PDE4D: variants seen among roughly 807,000 people sequenced by gnomAD.
PDE4D encodes phosphodiesterase 4D, also known as 3',5'-cyclic-AMP phosphodiesterase 4D.
PDE4D carries 24 observed loss-of-function variants against 87.4 expected under a neutral mutation model. The observed-to-expected ratio is 0.27, with a 90% CI of 0.20 to 0.39. PDE4D has a LOEUF of 0.39. Among genes scored for constraint, PDE4D ranks in the 10% least tolerant of loss-of-function variants. The probability of loss-of-function intolerance (pLI) is 1.00; values close to 1 mark genes in which losing one functional copy is unlikely to be tolerated. For missense variants in PDE4D, 714 were observed against 1,041.0 expected, an observed-to-expected ratio of 0.69 and a Z score of 4.32; for synonymous variants, 384 against 383.2, an observed-to-expected ratio of 1.00 and a Z score of -0.02.
At chr5:59,326,762 T>C (rs1775747839) in intron 1 of PDE4D, among the ~76,000 whole-genome samples, 1 of 152,158 alleles carries the variant, frequency 6.6e-6, no homozygotes, top group African/African-American at 2.4e-5. Flanking sequence ...GAAATAGATG[T>C]GTGATCTTGC....
Position 58,991,858 on chromosome 5 carries a change from T to C in PDE4D, c.1162A>G (p.Thr388Ala). The change falls in exon 8 of 15, where the codon ACT (threonine) becomes GCT (alanine). Residue 388 changes from threonine to alanine, a missense_variant. By Grantham distance (58) the Thr-to-Ala change is moderately conservative. This residue lies in a region of PDE4D where 141 missense variants were observed against 204.3 expected (regional missense o/e 0.69). Coordinates refer to ENST00000340635, the MANE Select transcript of PDE4D (RefSeq NM_001104631.2). ...NSSIPRFGVKTEQEDVLAKEL... is the reference protein window; with the variant it reads ...NSSIPRFGVKAEQEDVLAKEL... ...TTGGCAAGGACATCTTCTTGTTCAG[T>C]TTTAACTCCAAACCTTGGGATACTT... 6.5e-7 allele frequency: 1 copy of C among 1,547,590 alleles called. No individual in the cohort carries two copies. Among genetic ancestry groups the C allele is most frequent in the Middle Eastern group, 1.7e-4 (1 of 5,834 alleles).
chr5:59,043,862 A>G (rs1215096927), intron 5 of PDE4D, among the ~76,000 whole-genome samples: 2 of 152,172 alleles, frequency 1.3e-5, no homozygotes, highest in Non-Finnish European at 2.9e-5. Context: ...AATTTCATCC[A>G]TGTTCCTACA....
intron 2 of PDE4D, among the ~76,000 whole-genome samples, chr5:59,996,422 G>T (rs1403749673): frequency 6.6e-6 from 1 of 152,040 alleles, no homozygotes; most frequent in Non-Finnish European, 1.5e-5. Flanking sequence ...ACTCTTCAAG[G>T]ACTAGGATAC....
intron 1 of PDE4D, among the ~76,000 whole-genome samples, chr5:60,303,877 A>T (rs1183274380): frequency 6.6e-6 from 1 of 152,150 alleles, no homozygotes; most frequent in African/African-American, 2.4e-5. Flanking sequence ...TGATCTGTCT[A>T]ATATTGTCAG....
chr5:59,770,967 A>G (rs546540627), intron 1 of PDE4D, among the ~76,000 whole-genome samples: 4 of 152,028 alleles, frequency 2.6e-5, no homozygotes, highest in African/African-American at 9.6e-5. Flanking sequence ...CCCCGTCTCT[A>G]TAAAACATTA....
intron 1 of PDE4D, among the ~76,000 whole-genome samples, chr5:59,284,033 A>G (rs1033188081): frequency 6.6e-6 from 1 of 152,120 alleles, no homozygotes; most frequent in Admixed American, 6.6e-5. Context: ...AAATGAGAAA[A>G]CATGCTGTCC....
chr5:60,474,149 T>TATA (rs1212803987), intron 1 of PDE4D, among the ~76,000 whole-genome samples: 1 of 94,436 alleles, frequency 1.1e-5, no homozygotes, highest in African/African-American at 6.9e-5. Context: ...TATATATATA[T>TATA]AACAAAAACC....
chr5:59,746,257 A>G (rs1016833092), intron 1 of PDE4D, among the ~76,000 whole-genome samples: 2 of 152,116 alleles, frequency 1.3e-5, no homozygotes, highest in African/African-American at 2.4e-5. Context: ...GTTTTTCTGT[A>G]TCTTCTGTCA....
At chr5:59,628,972 G>A (rs1158942414) in intron 1 of PDE4D, among the ~76,000 whole-genome samples, 1 of 152,122 alleles carries the variant, frequency 6.6e-6, no homozygotes, top group African/African-American at 2.4e-5. Context: ...CAGCAGCAAG[G>A]AGAAGTGCCA....
intron 1 of PDE4D, among the ~76,000 whole-genome samples, chr5:59,830,789 T>C (rs997225199): frequency 3.9e-5 from 6 of 152,082 alleles, no homozygotes; most frequent in Non-Finnish European, 8.8e-5. Flanking sequence ...CGGAGAGCCA[T>C]GAGAATTGTT....
intron 1 of PDE4D, among the ~76,000 whole-genome samples, chr5:59,566,897 T>C (rs972402733): frequency 6.6e-6 from 1 of 152,142 alleles, no homozygotes; most frequent in African/African-American, 2.4e-5. Flanking sequence ...ACATGTTTGC[T>C]TGTGGGGTCT....
intron 1 of PDE4D, among the ~76,000 whole-genome samples, chr5:59,413,754 A>T (rs765434203): frequency 2.0e-5 from 3 of 152,184 alleles, no homozygotes; most frequent in Non-Finnish European, 4.4e-5. Flanking sequence ...TAAGAGTTGG[A>T]CTGATTTGGG....
intron 2 of PDE4D, among the ~76,000 whole-genome samples, chr5:60,128,701 C>A (rs1779324096): frequency 6.6e-6 from 1 of 152,186 alleles, no homozygotes; most frequent in Non-Finnish European, 1.5e-5. Flanking sequence ...TTAGTATTAA[C>A]TACTCTAACT....
chr5:59,902,547 A>T (rs533979835), intron 3 of PDE4D, among the ~76,000 whole-genome samples: 71 of 152,288 alleles, frequency 4.7e-4, no homozygotes, highest in Admixed American at 1.8e-3. Context: ...ATGGTAACTG[A>T]GAGAAGGAAG....
At chr5:59,308,160 A>G (rs1440858630) in intron 1 of PDE4D, among the ~76,000 whole-genome samples, 1 of 147,074 alleles carries the variant, frequency 6.8e-6, no homozygotes, top group African/African-American at 2.5e-5. Flanking sequence ...GAATTGAACA[A>G]TGAGAACACA....
chr5:59,615,284 T>C (rs1829524130), intron 1 of PDE4D, among the ~76,000 whole-genome samples: 1 of 152,168 alleles, frequency 6.6e-6, no homozygotes, highest in Admixed American at 6.6e-5. Context: ...AAAACAAAAT[T>C]GAACCCTGGT....
At chr5:59,619,515 G>A (rs747729634) in intron 1 of PDE4D, among the ~76,000 whole-genome samples, 9 of 152,122 alleles carry the variant, frequency 5.9e-5, no homozygotes, top group African/African-American at 9.7e-5. Flanking sequence ...CATAGCAAGC[G>A]GATGGCTGCA....
At chr5:59,441,163 C>T (rs1336685936) in intron 1 of PDE4D, among the ~76,000 whole-genome samples, 4 of 151,166 alleles carry the variant, frequency 2.6e-5, no homozygotes, top group South Asian at 2.1e-4. Context: ...AGTGTGATCT[C>T]GGCTCATTGC....
intron 1 of PDE4D, among the ~76,000 whole-genome samples, chr5:60,195,786 A>C (rs374483648): frequency 4.0e-5 from 6 of 151,784 alleles, no homozygotes; most frequent in African/African-American, 1.4e-4. Context: ...AATGATTCAT[A>C]CACCTAATGG....
Sources: gnomAD v4.1 joint callset for allele counts (sites outside exome capture counted in the v4.1 genomes callset) on GRCh38, gnomAD v4.1.1 for gene constraint, gnomAD v4.1.1 regional missense constraint, MANE v1.5 for transcripts, NCBI Gene and HGNC (gene_info 2026-07-23, HGNC 2026-07-21) for gene names.